The following GPC3 variants were observed in gnomAD, a reference collection of about 807,000 sequenced individuals.
GPC3 encodes glypican-3.
A neutral mutation model predicts 34.4 loss-of-function variants in GPC3; 3 were observed. The observed-to-expected ratio is 0.09, with a 90% CI of 0.04 to 0.23. GPC3 has a LOEUF of 0.23. Among genes scored for constraint, GPC3 ranks in the 10% least tolerant of loss-of-function variants. GPC3 has a pLI of 1.00. For missense variants in GPC3, 351 were observed against 445.6 expected (o/e 0.79, Z 1.91); for synonymous variants, 177 against 174.0 (o/e 1.02, Z -0.13).
chrX:133,610,145 G>A (rs902060393), intron 6 of GPC3, among the ~76,000 whole-genome samples: 3 of 111,739 alleles, frequency 2.7e-5, no homozygotes, highest in Admixed American at 9.5e-5. Flanking sequence ...AGTGTTGGGC[G>A]GTGCTTGAAC....
chrX:133,682,727 G>A (rs1414966887), intron 5 of GPC3, among the ~76,000 whole-genome samples: 1 of 111,478 alleles, frequency 9.0e-6, no homozygotes, highest in Non-Finnish European at 1.9e-5. Flanking sequence ...AGCACTTTAG[G>A]AAGCCAAGGA....
chrX:133,742,179 A>G (rs1383820811), intron 3 of GPC3, among the ~76,000 whole-genome samples: 1 of 112,331 alleles, frequency 8.9e-6, no homozygotes, highest in Non-Finnish European at 1.9e-5. Flanking sequence ...TTGAATGAAC[A>G]GAACAGAGCA....
intron 3 of GPC3, among the ~76,000 whole-genome samples, chrX:133,747,148 C>T (rs2071620037): frequency 1.8e-5 from 2 of 111,776 alleles, no homozygotes; most frequent in South Asian, 3.8e-4. Flanking sequence ...AAGGACACTC[C>T]GTACTGGAGA....
chrX:133,902,366 G>A (rs1238587369), intron 2 of GPC3, among the ~76,000 whole-genome samples: 3 of 112,198 alleles, frequency 2.7e-5, no homozygotes, highest in African/African-American at 9.7e-5. Flanking sequence ...AGATGTCTTG[G>A]GTTGGAGGTT....
At chrX:133,831,341 G>A (rs772265389) in intron 2 of GPC3, among the ~76,000 whole-genome samples, 2 of 112,175 alleles carry the variant, frequency 1.8e-5, no homozygotes, top group East Asian at 2.8e-4. Context: ...ATTATCACTG[G>A]GGGAAGCTAG....
At chrX:133,843,593 A>C (rs1318949140) in intron 2 of GPC3, among the ~76,000 whole-genome samples, 1 of 111,430 alleles carries the variant, frequency 9.0e-6, no homozygotes, top group African/African-American at 3.3e-5. Flanking sequence ...AGAATGGCCT[A>C]ATGCATGACC....
intron 1 of GPC3, among the ~76,000 whole-genome samples, chrX:133,976,384 G>A (rs1279904150): frequency 3.6e-5 from 4 of 111,769 alleles, no homozygotes; most frequent in African/African-American, 1.3e-4. Flanking sequence ...TGAGACAAAT[G>A]TAAGGTATGA....
At chrX:133,645,222 T>C (rs1402361280) in intron 6 of GPC3, among the ~76,000 whole-genome samples, 1 of 111,994 alleles carries the variant, frequency 8.9e-6, no homozygotes, top group Non-Finnish European at 1.9e-5. Flanking sequence ...ATAATATTTC[T>C]AACTTCTCGG....
chrX:133,853,677 A>C (rs138257501), intron 2 of GPC3, among the ~76,000 whole-genome samples: 390 of 112,516 alleles, frequency 3.5e-3, no homozygotes, highest in African/African-American at 0.012. Context: ...TGAAGAACAG[A>C]ATCTATTGAG....
intron 7 of GPC3, among the ~76,000 whole-genome samples, chrX:133,581,408 G>T (rs1339266970): frequency 1.8e-5 from 2 of 111,740 alleles, no homozygotes; most frequent in Admixed American, 1.9e-4. Flanking sequence ...AAACTTTAAG[G>T]ATAAACAAAG....
intron 2 of GPC3, among the ~76,000 whole-genome samples, chrX:133,825,077 G>A (rs1355047651): frequency 9.0e-6 from 1 of 111,226 alleles, no homozygotes; most frequent in African/African-American, 3.3e-5. Context: ...GGCTGCTCTC[G>A]ATCTCCTGAC....
intron 7 of GPC3, among the ~76,000 whole-genome samples, chrX:133,577,903 G>A (rs765574608): frequency 4.5e-5 from 5 of 111,619 alleles, no homozygotes; most frequent in Non-Finnish European, 9.4e-5. Flanking sequence ...TGGGTTTTCA[G>A]CTTTTATCAT....
chrX:133,731,128 C>G (rs1324088148), intron 3 of GPC3, among the ~76,000 whole-genome samples: 2 of 112,307 alleles, frequency 1.8e-5, no homozygotes, highest in Non-Finnish European at 3.8e-5. Flanking sequence ...AAACAAAGGT[C>G]CTAATCCAAG....
Position 133,855,052 on chromosome X carries a change from A to G in GPC3, c.337+97998T>C, listed in dbSNP as rs182974238. Among the ~76,000 whole-genome samples the G allele has an allele frequency of 3.1e-3, 352 of 112,420 alleles. 2 individuals carry two copies. The highest frequency in any genetic ancestry group is 5.6e-3 in the Admixed American group (60 of 10,629). On this transcript the variant is annotated intron_variant, in intron 2 of 7. Transcript: ENST00000370818. ...AGGAAAAAATACTAAAAGGAAATAT[A>G]TCAGAATGTTAACAGTAATTATTAC...
In GPC3 at chrX:133,622,995, G is replaced by A. The variant is rs771577677; in HGVS notation, c.1414-26396C>T. 3.6e-5 allele frequency among the ~76,000 whole-genome samples: 4 copies of A among 111,950 alleles called. No individual in the cohort carries two copies. The Admixed American group carries it at 3.8e-4, about 11-fold the overall frequency. On this transcript the variant is annotated intron_variant, in intron 6 of 7. Transcript: ENST00000370818. ...ACTCTACAAGCCAGAAGAGAGTGGG[G>A]GCCAATATTCAACATTCTTAAAGAA...
At chrX:133,594,454 G>A (rs2069890150) in intron 7 of GPC3, among the ~76,000 whole-genome samples, 1 of 111,951 alleles carries the variant, frequency 8.9e-6, no homozygotes. Context: ...ACAGCCAAGA[G>A]GTGGAAGCAA....
chrX:133,909,435 A>T (rs757354136), intron 2 of GPC3, among the ~76,000 whole-genome samples: 1 of 112,234 alleles, frequency 8.9e-6, no homozygotes, highest in Non-Finnish European at 1.9e-5. Flanking sequence ...GCTGTTTATC[A>T]TTTACCTGTC....
chrX:133,849,084 CTTTTTTTTTTTTTTTT>C (rs60339728), intron 2 of GPC3, among the ~76,000 whole-genome samples: 3 of 46,273 alleles, frequency 6.5e-5, no homozygotes, highest in Non-Finnish European at 1.2e-4. Flanking sequence ...ACTAAAGTTT[CTTTTTTTTTTTTTTTT>C]TTTTTTTTTT....
chrX:133,815,633 A>G (rs2075687993), intron 2 of GPC3, among the ~76,000 whole-genome samples: 2 of 112,451 alleles, frequency 1.8e-5, no homozygotes, highest in African/African-American at 6.5e-5. Flanking sequence ...ATTTTTCAAG[A>G]GACCTGATTT....
Sources: gnomAD v4.1 joint callset for allele counts (sites outside exome capture counted in the v4.1 genomes callset) on GRCh38, gnomAD v4.1.1 for gene constraint, MANE v1.5 for transcripts, NCBI Gene and HGNC (gene_info 2026-07-23, HGNC 2026-07-21) for gene names.